The following ARB2A variants were observed in gnomAD, a reference collection of about 807,000 sequenced individuals.
ARB2A encodes the protein ARB2 cotranscriptional regulator A.
At chr5:93,828,483 T>G in the ARB2A span, among the ~76,000 whole-genome samples, 1 of 152,338 alleles carries the variant, frequency 6.6e-6, no homozygotes, top group East Asian at 1.9e-4. Flanking sequence ...ATTAAAATTC[T>G]ATTGATCCTG....
the ARB2A span, among the ~76,000 whole-genome samples, chr5:93,821,102 T>G: frequency 6.6e-6 from 1 of 152,200 alleles, no homozygotes; most frequent in Non-Finnish European, 1.5e-5. Flanking sequence ...TTCTCACTTT[T>G]CGAAAACAAC....
At chr5:93,776,575 C>T in the ARB2A span, among the ~76,000 whole-genome samples, 5 of 152,092 alleles carry the variant, frequency 3.3e-5, no homozygotes, top group Admixed American at 1.3e-4. Flanking sequence ...GTCAGGAGTT[C>T]GAGACCAGCG....
At chr5:93,621,372 G>T in the ARB2A span, among the ~76,000 whole-genome samples, 1 of 152,150 alleles carries the variant, frequency 6.6e-6, no homozygotes, top group Non-Finnish European at 1.5e-5. Context: ...TTGCCCCCTG[G>T]CTCAGAGGAA....
the ARB2A span, among the ~76,000 whole-genome samples, chr5:94,068,862 C>CAAAAAAAA: frequency 0.015 from 930 of 62,300 alleles, no homozygotes; most frequent in Middle Eastern, 0.019. Context: ...ACTAAAAATA[C>CAAAAAAAA]AAAAAAAAAA....
chr5:93,703,125 A>G, the ARB2A span, among the ~76,000 whole-genome samples: 1 of 152,186 alleles, frequency 6.6e-6, no homozygotes, highest in South Asian at 2.1e-4. Context: ...CATGAATTTT[A>G]TTAGTTTTCC....
chr5:93,681,468 C>T, the ARB2A span, among the ~76,000 whole-genome samples: 23 of 152,220 alleles, frequency 1.5e-4, 1 homozygote, highest in East Asian at 3.7e-3. Flanking sequence ...AGTTTACTGT[C>T]GTCTGCCTTA....
the ARB2A span, among the ~76,000 whole-genome samples, chr5:93,628,357 A>G: frequency 6.6e-6 from 1 of 152,102 alleles, no homozygotes; most frequent in Non-Finnish European, 1.5e-5. Flanking sequence ...CCGATGCAGC[A>G]TAATTTTTAA....
At chr5:93,916,370 T>C in the ARB2A span, among the ~76,000 whole-genome samples, 8 of 152,150 alleles carry the variant, frequency 5.3e-5, no homozygotes, top group African/African-American at 7.2e-5. Context: ...GCTGCTATCA[T>C]CAAGCATACA....
At chr5:93,858,142 G>T in the ARB2A span, among the ~76,000 whole-genome samples, 1 of 152,168 alleles carries the variant, frequency 6.6e-6, no homozygotes, top group Non-Finnish European at 1.5e-5. Context: ...CAAGATGTGC[G>T]TAATTGCTCC....
At chr5:93,777,235 C>T in the ARB2A span, among the ~76,000 whole-genome samples, 2 of 151,468 alleles carry the variant, frequency 1.3e-5, no homozygotes, top group African/African-American at 4.9e-5. Context: ...GTGCGGCACA[C>T]CAGCATGTCA....
At chr5:94,052,250 G>A in the ARB2A span, among the ~76,000 whole-genome samples, 3 of 152,008 alleles carry the variant, frequency 2.0e-5, no homozygotes, top group Non-Finnish European at 2.9e-5. Flanking sequence ...TACACTACAG[G>A]CCAATTGCTT....
the ARB2A span, among the ~76,000 whole-genome samples, chr5:93,969,966 T>A: frequency 6.6e-6 from 1 of 152,028 alleles, no homozygotes. Flanking sequence ...CGATAATATA[T>A]ATTACTGCAT....
the ARB2A span, among the ~76,000 whole-genome samples, chr5:93,856,533 C>T: frequency 6.6e-6 from 1 of 152,168 alleles, no homozygotes; most frequent in Non-Finnish European, 1.5e-5. Context: ...TCATTCATTT[C>T]ATCTTCCATC....
At chr5:93,667,057 G>A in the ARB2A span, among the ~76,000 whole-genome samples, 4 of 152,260 alleles carry the variant, frequency 2.6e-5, no homozygotes, top group East Asian at 5.8e-4. Flanking sequence ...AAAATAATAA[G>A]AGTGGTAGGA....
At chr5:93,712,556 A>T in the ARB2A span, among the ~76,000 whole-genome samples, 3 of 152,216 alleles carry the variant, frequency 2.0e-5, no homozygotes, top group South Asian at 4.1e-4. Flanking sequence ...AAAATCCTAA[A>T]GATTCTATTA....
At chr5:93,923,577 T>A in the ARB2A span, among the ~76,000 whole-genome samples, 3 of 152,152 alleles carry the variant, frequency 2.0e-5, no homozygotes, top group Non-Finnish European at 4.4e-5. Flanking sequence ...ATCACAGAAC[T>A]CTGAGAGGCA....
the ARB2A span, among the ~76,000 whole-genome samples, chr5:93,882,140 A>C: frequency 6.6e-6 from 1 of 151,426 alleles, no homozygotes; most frequent in Non-Finnish European, 1.5e-5. Flanking sequence ...TGGCCCTTTC[A>C]AGAGCATTTT....
chr5:94,006,144 G>C, the ARB2A span, among the ~76,000 whole-genome samples: 1 of 152,078 alleles, frequency 6.6e-6, no homozygotes, highest in African/African-American at 2.4e-5. Context: ...TGTCCACCAA[G>C]CTGGTGAATG....
the ARB2A span, among the ~76,000 whole-genome samples, chr5:93,645,511 T>C: frequency 1.3e-5 from 2 of 151,084 alleles, no homozygotes; most frequent in African/African-American, 4.9e-5. Flanking sequence ...GAGGTGGAGG[T>C]TGCAGTGAGC....
Sources: gnomAD v4.1 joint callset for allele counts (sites outside exome capture counted in the v4.1 genomes callset) on GRCh38, gnomAD v4.1.1 for gene constraint, MANE v1.5 for transcripts, NCBI Gene and HGNC (gene_info 2026-07-23, HGNC 2026-07-21) for gene names.